Variants in ABHD3 observed in about 807,000 individuals in gnomAD.
ABHD3 encodes the protein phospholipase ABHD3.
ABHD3 carries 46 observed loss-of-function variants against 48.8 expected under a neutral mutation model. The ratio of observed to expected loss-of-function variants is 0.94; its 90% confidence interval spans 0.74 to 1.20. The LOEUF (loss-of-function observed/expected upper bound fraction) is 1.20, where lower values mean the gene tolerates loss of function less well. Ranked by LOEUF, ABHD3 falls within the 50% of genes most tolerant of loss-of-function variation. The pLI is 0.00. For missense variants in ABHD3, 490 were observed against 497.8 expected (o/e 0.98, Z 0.15); for synonymous variants, 192 against 183.7 (o/e 1.04, Z -0.36).
At chr18:21,665,279 T>C (rs1007257408) in intron 4 of ABHD3, among the ~76,000 whole-genome samples, 1 of 151,822 alleles carries the variant, frequency 6.6e-6, no homozygotes, top group African/African-American at 2.4e-5. Flanking sequence ...TCCTGCTCTG[T>C]TTCTAGGCTG....
intron 5 of ABHD3, among the ~76,000 whole-genome samples, chr18:21,659,660 GT>G (rs1555678449): frequency 1.4e-4 from 21 of 146,638 alleles, no homozygotes; most frequent in East Asian, 2.0e-4. Flanking sequence ...ATCACCTAGA[GT>G]TTTTTTTTTT....
chr18:21,700,559 T>G (rs1004024522), intron 3 of ABHD3, among the ~76,000 whole-genome samples: 2 of 151,942 alleles, frequency 1.3e-5, no homozygotes, highest in Non-Finnish European at 2.9e-5. Flanking sequence ...CCATCACACC[T>G]GGCTAATTTT....
chr18:21,662,306 C>T (rs1309574658), intron 5 of ABHD3: 1 of 152,066 alleles, frequency 6.6e-6, no homozygotes, highest in Admixed American at 6.6e-5. Context: ...GGGGTTTCAC[C>T]ATGTTAGCCA....
chr18:21,693,594 C>G (rs904980732), intron 3 of ABHD3, among the ~76,000 whole-genome samples: 5 of 152,174 alleles, frequency 3.3e-5, no homozygotes, highest in African/African-American at 7.2e-5. Context: ...TGCAGTGGAA[C>G]AGCTAACAAT....
At chr18:21,655,776 G>A (rs2039332858) in intron 8 of ABHD3, among the ~76,000 whole-genome samples, 1 of 151,332 alleles carries the variant, frequency 6.6e-6, no homozygotes, top group African/African-American at 2.4e-5. Context: ...GGAGGCGTGA[G>A]CCGAGATCGT....
At chr18:21,697,302 T>C (rs1264299037) in intron 3 of ABHD3, among the ~76,000 whole-genome samples, 1 of 152,138 alleles carries the variant, frequency 6.6e-6, no homozygotes, top group Non-Finnish European at 1.5e-5. Flanking sequence ...CTTGAACTCC[T>C]GACCTCGTGA....
At chr18:21,691,879 G>A (rs919687795) in intron 3 of ABHD3, among the ~76,000 whole-genome samples, 5 of 152,160 alleles carry the variant, frequency 3.3e-5, no homozygotes, top group Non-Finnish European at 5.9e-5. Flanking sequence ...GTAAAGAAGG[G>A]TTTTCAGGAA....
chr18:21,703,218 AC>A (rs745583701), intron 2 of ABHD3, among the ~76,000 whole-genome samples: 3,479 of 63,094 alleles, frequency 0.055, 185 homozygotes, highest in African/African-American at 0.16. Flanking sequence ...TTCTCACCCC[AC>A]CCCCCCCCCC....
intron 3 of ABHD3, 128 bp from the exon 4 acceptor site, chr18:21,684,093 A>G: frequency 1.4e-6 from 1 of 737,992 alleles, no homozygotes; most frequent in Non-Finnish European, 2.1e-6. Flanking sequence ...TTGTAGTTGT[A>G]ATGTTTGGCA....
chr18:21,688,432 G>A (rs1184438859), intron 3 of ABHD3, among the ~76,000 whole-genome samples: 1 of 152,158 alleles, frequency 6.6e-6, no homozygotes, highest in East Asian at 1.9e-4. Flanking sequence ...CTATGTGCCA[G>A]ATCATGTTCT....
At chr18:21,667,645 A>G (rs1216747873) in intron 4 of ABHD3, among the ~76,000 whole-genome samples, 1 of 152,198 alleles carries the variant, frequency 6.6e-6, no homozygotes, top group Non-Finnish European at 1.5e-5. Flanking sequence ...TCTCTGAAAG[A>G]AAAACGTTAA....
At chr18:21,704,383 G>A (rs1216788046) in intron 1 of ABHD3, 121 bp downstream of exon 1, 13 of 1,079,606 alleles carry the variant, frequency 1.2e-5, no homozygotes, top group Non-Finnish European at 1.4e-5. Flanking sequence ...CTGCCGCTCG[G>A]GAGCAGCTCG....
intron 8 of ABHD3, among the ~76,000 whole-genome samples, chr18:21,653,264 A>G (rs2039269815): frequency 6.6e-6 from 1 of 151,424 alleles, no homozygotes; most frequent in South Asian, 2.1e-4. Flanking sequence ...TGGGAGGCCA[A>G]GGCTGCAGTG....
intron 3 of ABHD3, among the ~76,000 whole-genome samples, chr18:21,689,559 A>AAAG (rs1341876565): frequency 6.7e-6 from 1 of 149,976 alleles, no homozygotes; most frequent in Non-Finnish European, 1.5e-5. Flanking sequence ...CAAAAAAAAA[A>AAAG]AAAAAAAAAA....
intron 5 of ABHD3, 155 bp downstream of exon 5, chr18:21,663,963 C>T (rs2039562170): frequency 4.9e-6 from 7 of 1,427,702 alleles, no homozygotes; most frequent in South Asian, 1.6e-5. Context: ...TTCCTTCCTT[C>T]GTTCATTCAA....
chr18:21,697,715 G>A (rs1026719610), intron 3 of ABHD3, among the ~76,000 whole-genome samples: 1 of 152,166 alleles, frequency 6.6e-6, no homozygotes, highest in Non-Finnish European at 1.5e-5. Flanking sequence ...ATAGTAAAGC[G>A]TTTGCTCACA....
chr18:21,703,442 C>A, intron 2 of ABHD3, 142 bp downstream of exon 2: 1 of 1,003,094 alleles, frequency 1.0e-6, no homozygotes, highest in Non-Finnish European at 1.4e-6. Flanking sequence ...GAGCCGGGGA[C>A]GTACCTTCCA....
intron 4 of ABHD3, 92 bp downstream of exon 4, chr18:21,683,828 A>T: frequency 7.9e-7 from 1 of 1,264,918 alleles, no homozygotes; most frequent in Non-Finnish European, 1.1e-6. Flanking sequence ...ACATAAACAG[A>T]GTTATTTTAA....
At chr18:21,691,088 A>G (rs975768613) in intron 3 of ABHD3, among the ~76,000 whole-genome samples, 3 of 152,186 alleles carry the variant, frequency 2.0e-5, no homozygotes, top group Admixed American at 6.6e-5. Flanking sequence ...CTGAAAGTTA[A>G]AGTGTAAATA....
Sources: gnomAD v4.1 joint callset for allele counts (sites outside exome capture counted in the v4.1 genomes callset) on GRCh38, gnomAD v4.1.1 for gene constraint, MANE v1.5 for transcripts, NCBI Gene and HGNC (gene_info 2026-07-23, HGNC 2026-07-21) for gene names.